The following FAM168B variants were observed in gnomAD, a reference collection of about 807,000 sequenced individuals.
FAM168B encodes myelin-associated neurite-outgrowth inhibitor.
A neutral mutation model predicts 21.8 loss-of-function variants in FAM168B; 19 were observed. The observed-to-expected ratio is 0.87, with a 90% CI of 0.61 to 1.28. The LOEUF (loss-of-function observed/expected upper bound fraction) is 1.28. Ranked by LOEUF, FAM168B falls within the 50% of genes most tolerant of loss-of-function variation. The probability of loss-of-function intolerance (pLI) is 0.00; values close to 1 mark genes in which losing one functional copy is unlikely to be tolerated. For synonymous variants in FAM168B, 126 were observed against 104.8 expected (o/e 1.20, Z -1.24); for missense variants, 233 against 263.1 (o/e 0.89, Z 0.79).
chr2:131,065,799 G>GA lies in FAM168B; in HGVS notation c.154+6055dup, dbSNP rs1163207429. 3.5e-5 allele frequency among the ~76,000 whole-genome samples: 3 copies of GA among 86,912 alleles called. No individual in the cohort carries two copies. The East Asian group carries it at 1.1e-3, about 33-fold the overall frequency. The allele number at this position is 86,912 out of a possible 152,430, so 57.0% of individuals were successfully genotyped here. A position where few individuals can be genotyped will look rare whatever the true frequency, so the allele number is the denominator to read the frequency against. On this transcript the variant is annotated intron_variant, in intron 3 of 6. Coordinates refer to ENST00000389915, the MANE Select transcript of FAM168B (RefSeq NM_001009993.4). ...GCGAGACTCCAGCTCAAAAAAAAAA[G>GA]AAAAAAAGAAAAAAAAAAAAAAGAA...
chr2:131,055,562 C>A lies in FAM168B; in HGVS notation c.288G>T (p.Pro96=), dbSNP rs757935212. 6.2e-6 allele frequency: 10 copies of A among 1,603,332 alleles called. No homozygotes were observed. Among genetic ancestry groups the A allele is most frequent in the Non-Finnish European group, 8.5e-6 (10 of 1,174,926 alleles). The change falls in exon 4 of 7, where the codon CCG becomes CCT. Residue 96 remains proline, a synonymous_variant. Coordinates refer to ENST00000389915, the MANE Select transcript of FAM168B (RefSeq NM_001009993.4). ...GTGTACCCAAGCATACCTGTGCATA[C>A]GGGCTCTGCTGGGGGTAGGCACTTC... ...PVRSAYPQQS[P]YAQQGTYYTQ...
Position 131,049,805 on chromosome 2 carries a change from T to C in FAM168B, c.*2660A>G, listed in dbSNP as rs894615709. On this transcript the variant is annotated 3_prime_UTR_variant, in exon 7 of 7. Transcript: ENST00000389915. ...AAATTTCTCAGAATGCTCCACCATA[T>C]GCTTCGGGACAAATTATGAAGCTTT... 14 of 985,782 alleles carry C rather than the reference T, an allele frequency of 1.4e-5. No individual in the cohort carries two copies. The highest frequency in any genetic ancestry group is 1.6e-5 in the Non-Finnish European group (13 of 829,954). 61.1% of individuals were successfully genotyped at this position (985,782 alleles called of 1,614,324 possible).
chr2:131,076,601 C>T (rs575769283), intron 2 of FAM168B, among the ~76,000 whole-genome samples: 1 of 149,016 alleles, frequency 6.7e-6, no homozygotes, highest in South Asian at 2.1e-4. Flanking sequence ...TGCAGTGAGC[C>T]GAGATCGCGC....
chr2:131,072,128 G>T (rs1229453594), intron 2 of FAM168B, among the ~76,000 whole-genome samples, 190 bp from the exon 3 acceptor site: 2 of 152,012 alleles, frequency 1.3e-5, no homozygotes, highest in Non-Finnish European at 2.9e-5. Context: ...TTTTTTTATC[G>T]TTGTCGTCTT....
chr2:131,066,708 C>G lies in FAM168B; in HGVS notation c.154+5147G>C, dbSNP rs914876859. On this transcript the variant is annotated intron_variant, in intron 3 of 6. Coordinates refer to ENST00000389915, the MANE Select transcript of FAM168B (RefSeq NM_001009993.4). Reference sequence around the variant, plus strand: ...GGGCTGAAATCCTCCCATAAGAAATCAAGGAGTTATTTATTCATTATTCCA... The same window carrying G: ...GGGCTGAAATCCTCCCATAAGAAATGAAGGAGTTATTTATTCATTATTCCA... Among the ~76,000 whole-genome samples the G allele has an allele frequency of 3.3e-5, 5 of 152,126 alleles. 1 individual carries two copies. The highest frequency in any genetic ancestry group is 4.1e-4 in the South Asian group (2 of 4,828).
chr2:131,071,477 A>T (rs1418704107), intron 3 of FAM168B, among the ~76,000 whole-genome samples: 1 of 152,240 alleles, frequency 6.6e-6, no homozygotes, highest in African/African-American at 2.4e-5. Flanking sequence ...TACTTTTTTA[A>T]AAAATATTAT....
At chr2:131,087,728 A>G (rs1559001534) in intron 1 of FAM168B, among the ~76,000 whole-genome samples, 1 of 152,184 alleles carries the variant, frequency 6.6e-6, no homozygotes, top group Non-Finnish European at 1.5e-5. Context: ...GAAGCTCCTG[A>G]GCAACTCTGA....
chr2:131,061,053 G>A (rs1337785133), intron 3 of FAM168B, among the ~76,000 whole-genome samples: 2 of 150,490 alleles, frequency 1.3e-5, no homozygotes, highest in African/African-American at 2.4e-5. Context: ...GGGTTTCACC[G>A]TGTTAGCCAG....
At chr2:131,080,376 G>A (rs1027956066) in intron 2 of FAM168B, among the ~76,000 whole-genome samples, 1 of 151,484 alleles carries the variant, frequency 6.6e-6, no homozygotes, top group South Asian at 2.1e-4. Context: ...AGGGGCTCAC[G>A]CTTATAATCA....
rs554759115 is a variant in FAM168B, at chr2:131,071,859, T to C, written c.150A>G (p.Gln50=). 3.1e-6 allele frequency: 5 copies of C among 1,613,930 alleles called. No individual in the cohort carries two copies. Among genetic ancestry groups the C allele is most frequent in the Non-Finnish European group, 2.5e-6 (3 of 1,179,842 alleles). ...NMYPGANPTF[Q]TGYTPGTPYK... ...ATTTTACCACCCAGCACATACCTGT[T>C]TGGAAGGTAGGATTCGCTCCAGGAT... The change falls in exon 3 of 7, where the codon CAA becomes CAG. Residue 50 remains glutamine (Q), a synonymous_variant. Transcript: ENST00000389915.
intron 5 of FAM168B, among the ~76,000 whole-genome samples, chr2:131,055,015 G>C (rs1449248392): frequency 6.6e-6 from 1 of 152,098 alleles, no homozygotes; most frequent in Non-Finnish European, 1.5e-5. Flanking sequence ...GGAGGAGAGG[G>C]GGCACATCCT....
intron 1 of FAM168B, among the ~76,000 whole-genome samples, chr2:131,087,687 G>A (rs754033776): frequency 2.6e-5 from 4 of 152,260 alleles, no homozygotes; most frequent in African/African-American, 7.2e-5. Context: ...TTAAATACAG[G>A]CCTGAGTGGA....
intron 3 of FAM168B, among the ~76,000 whole-genome samples, chr2:131,065,044 G>A (rs1336504068): frequency 2.0e-5 from 3 of 152,194 alleles, no homozygotes; most frequent in East Asian, 1.9e-4. Flanking sequence ...AGACACAGCC[G>A]TGAACAGTGC....
intron 2 of FAM168B, among the ~76,000 whole-genome samples, chr2:131,082,236 T>C (rs529398917): frequency 2.6e-5 from 4 of 151,974 alleles, no homozygotes; most frequent in African/African-American, 9.7e-5. Flanking sequence ...TCCTGTAGAG[T>C]GGAGGTAAAG....
Position 131,048,710 on chromosome 2 carries a change from C to A in FAM168B, c.*3755G>T. On this transcript the variant is annotated 3_prime_UTR_variant, in exon 7 of 7. Transcript: ENST00000389915. ...TTCAGAAAGCCAGAGGGAACACTCA[C>A]AAATGCAGAGGTACTAGAGGGGAGA... The A allele has an allele frequency of 1.0e-6, 1 of 989,296 alleles. No homozygotes were observed. The highest frequency in any genetic ancestry group is 6.1e-5 in the Admixed American group (1 of 16,434). 61.3% of individuals were successfully genotyped at this position (989,296 alleles called of 1,614,324 possible). A position where few individuals can be genotyped will look rare whatever the true frequency, so the allele number is the denominator to read the frequency against.
intron 3 of FAM168B, among the ~76,000 whole-genome samples, chr2:131,064,161 G>A (rs1692440434): frequency 6.6e-6 from 1 of 152,168 alleles, no homozygotes; most frequent in Admixed American, 6.5e-5. Context: ...CCTCAGGGAA[G>A]AGGACATGCA....
chr2:131,052,978 G>T lies in FAM168B; in HGVS notation c.513C>A (p.Ala171=). Residue 171 remains alanine, a synonymous_variant, in exon 6 of 7, where the codon GCC becomes GCA. Transcript: ENST00000389915. ...LLTAHSPTPV[A]PHPVTVPTYR... ...ACGTGGGCACAGTGACCGGGTGGGGGGCGACAGGAGTTGGGGAGTGAGCAG... is the reference window on the plus strand; with the variant it reads ...ACGTGGGCACAGTGACCGGGTGGGGTGCGACAGGAGTTGGGGAGTGAGCAG... The T allele has an allele frequency of 1.3e-6, 2 of 1,558,514 alleles. No individual in the cohort carries two copies. Among genetic ancestry groups the T allele is most frequent in the South Asian group, 1.2e-5 (1 of 84,516 alleles).
At chr2:131,086,937 C>T (rs974625428) in intron 1 of FAM168B, among the ~76,000 whole-genome samples, 2 of 128,922 alleles carry the variant, frequency 1.6e-5, no homozygotes, top group Non-Finnish European at 3.1e-5. Context: ...AGGTGGCGGG[C>T]GCCTGTAGTC....
chr2:131,058,380 G>C (rs1439507492), intron 3 of FAM168B, among the ~76,000 whole-genome samples: 1 of 152,064 alleles, frequency 6.6e-6, no homozygotes, highest in Non-Finnish European at 1.5e-5. Context: ...CTCACGGTGG[G>C]AGGTGCTGTG....
Sources: gnomAD v4.1 joint callset for allele counts (sites outside exome capture counted in the v4.1 genomes callset) on GRCh38, gnomAD v4.1.1 for gene constraint, MANE v1.5 for transcripts, NCBI Gene and HGNC (gene_info 2026-07-23, HGNC 2026-07-21) for gene names.